LRRC37A2: variants seen among roughly 807,000 people sequenced by gnomAD.
LRRC37A2 encodes the protein leucine rich repeat containing 37 member A2.
A neutral mutation model predicts 68.8 loss-of-function variants in LRRC37A2; 9 were observed. That is an observed-to-expected ratio of 0.13 (90% confidence interval 0.08 to 0.23). The LOEUF (loss-of-function observed/expected upper bound fraction) is 0.23. Ranked by LOEUF, LRRC37A2 falls within the 10% of genes least tolerant of loss-of-function variation. The pLI is 1.00. For synonymous variants in LRRC37A2, 63 were observed against 367.6 expected (o/e 0.17, Z 9.48); for missense variants, 168 against 950.4 (o/e 0.18, Z 10.82).
chr17:46,824,089 ATGT>A, the LRRC37A2 span, among the ~76,000 whole-genome samples: 12 of 152,128 alleles, frequency 7.9e-5, no homozygotes, highest in Non-Finnish European at 5.9e-5. Context: ...ATCCGGGATA[ATGT>A]TGTCTGATGT....
the LRRC37A2 span, among the ~76,000 whole-genome samples, chr17:46,714,375 CAG>C: frequency 6.6e-6 from 1 of 152,120 alleles, no homozygotes; most frequent in Non-Finnish European, 1.5e-5. Context: ...TTGAGGAAGA[CAG>C]AGATGTATCA....
At chr17:46,902,239 G>C in the LRRC37A2 span, among the ~76,000 whole-genome samples, 2 of 152,268 alleles carry the variant, frequency 1.3e-5, no homozygotes, top group Non-Finnish European at 2.9e-5. Context: ...TGGTGCACAT[G>C]AGTTTAGGTG....
At chr17:46,707,193 C>A in the LRRC37A2 span, among the ~76,000 whole-genome samples, 1 of 152,156 alleles carries the variant, frequency 6.6e-6, no homozygotes, top group African/African-American at 2.4e-5. Context: ...AAAATGAGAT[C>A]TCATTTCAGT....
the LRRC37A2 span, among the ~76,000 whole-genome samples, chr17:46,811,836 A>G: frequency 1.3e-5 from 2 of 152,176 alleles, no homozygotes; most frequent in Admixed American, 6.5e-5. Context: ...GCGCACCTGT[A>G]ATCCCAGCTA....
At chr17:46,923,536 A>T in the LRRC37A2 span, 1 of 1,334,562 alleles carries the variant, frequency 7.5e-7, no homozygotes, top group East Asian at 2.8e-5. Context: ...AGCACTTGTC[A>T]ACTCGGTGCT....
the LRRC37A2 span, among the ~76,000 whole-genome samples, chr17:46,991,680 T>C: frequency 0.7 from 106,416 of 152,046 alleles, 37,854 homozygotes; most frequent in Middle Eastern, 0.78. Context: ...CACAAGAAAA[T>C]GATCATTTCA....
the LRRC37A2 span, among the ~76,000 whole-genome samples, chr17:46,887,765 A>AAAAGAAAGAAAG: frequency 7.8e-4 from 118 of 150,832 alleles, no homozygotes; most frequent in African/African-American, 2.4e-3. Context: ...CTCCCTGTCC[A>AAAAGAAAGAAAG]AAAGAAAGAA....
chr17:46,830,852 C>T, the LRRC37A2 span: 1 of 398,002 alleles, frequency 2.5e-6, no homozygotes, highest in Admixed American at 4.4e-5. Context: ...TGAGTATCCT[C>T]AAAGAAAAAG....
chr17:46,678,511 A>G, the LRRC37A2 span, among the ~76,000 whole-genome samples: 1 of 150,648 alleles, frequency 6.6e-6, no homozygotes, highest in African/African-American at 2.5e-5. Flanking sequence ...GAGAGAGAGA[A>G]TACCGTTTAA....
At chr17:46,844,592 C>T in the LRRC37A2 span, among the ~76,000 whole-genome samples, 1 of 152,226 alleles carries the variant, frequency 6.6e-6, no homozygotes, top group East Asian at 1.9e-4. Context: ...GATTGCATTC[C>T]TCTAGGCACC....
At chr17:46,819,019 C>A in the LRRC37A2 span, among the ~76,000 whole-genome samples, 1 of 152,164 alleles carries the variant, frequency 6.6e-6, no homozygotes, top group Non-Finnish European at 1.5e-5. The surrounding 1 kb of genome is among the most constrained non-coding windows in gnomAD (Gnocchi z 5.3). Context: ...GGGCTTTGAC[C>A]CGGGCGTTCA....
the LRRC37A2 span, among the ~76,000 whole-genome samples, chr17:46,825,483 A>G: frequency 6.6e-6 from 1 of 152,248 alleles, no homozygotes; most frequent in East Asian, 1.9e-4. Context: ...GAGGAATGGG[A>G]CTACCCTCAA....
the LRRC37A2 span, among the ~76,000 whole-genome samples, chr17:46,988,065 G>A: frequency 2.0e-5 from 3 of 152,136 alleles, no homozygotes; most frequent in East Asian, 3.8e-4. Context: ...CCAGCTACTC[G>A]GGAGGCTGAG....
chr17:46,897,028 AAT>A, the LRRC37A2 span, among the ~76,000 whole-genome samples: 1 of 152,190 alleles, frequency 6.6e-6, no homozygotes, highest in Non-Finnish European at 1.5e-5. Context: ...CCCACAAGCT[AAT>A]GGGTGTGCCC....
the LRRC37A2 span, chr17:46,966,392 C>G: frequency 3.6e-6 from 2 of 555,840 alleles, no homozygotes; most frequent in East Asian, 3.1e-5. Context: ...TCAAGGCCCT[C>G]AGATACCTGG....
At chr17:46,731,862 A>C in the LRRC37A2 span, among the ~76,000 whole-genome samples, 1 of 152,174 alleles carries the variant, frequency 6.6e-6, no homozygotes, top group African/African-American at 2.4e-5. Flanking sequence ...TAGTATTTCT[A>C]GTTGGCATGT....
the LRRC37A2 span, among the ~76,000 whole-genome samples, chr17:46,934,019 C>T: frequency 6.6e-5 from 10 of 152,050 alleles, no homozygotes; most frequent in East Asian, 1.9e-4. Context: ...GAGAAGGGAA[C>T]GCTCTCACAG....
the LRRC37A2 span, among the ~76,000 whole-genome samples, chr17:46,833,761 G>T: frequency 6.6e-6 from 1 of 152,196 alleles, no homozygotes; most frequent in African/African-American, 2.4e-5. Context: ...CGGGGAAGAA[G>T]TGAGCCAGTC....
the LRRC37A2 span, among the ~76,000 whole-genome samples, chr17:46,962,018 G>C: frequency 6.6e-6 from 1 of 152,078 alleles, no homozygotes; most frequent in Non-Finnish European, 1.5e-5. Flanking sequence ...AAGGGAGTGG[G>C]GCATAGTTGG....
Sources: gnomAD v4.1 joint callset for allele counts (sites outside exome capture counted in the v4.1 genomes callset) on GRCh38, gnomAD v4.1.1 for gene constraint, Gnocchi (gnomAD v3.1) non-coding constraint, MANE v1.5 for transcripts, NCBI Gene and HGNC (gene_info 2026-07-23, HGNC 2026-07-21) for gene names.